The following BEND6 variants were observed in gnomAD, a reference collection of about 807,000 sequenced individuals.
BEND6 encodes BEN domain-containing protein 6.
BEND6 carries 24 observed loss-of-function variants against 31.8 expected under a neutral mutation model. The observed-to-expected ratio is 0.75, with a 90% CI of 0.55 to 1.06. BEND6 has a LOEUF of 1.06. BEND6 is among the 50% of genes least tolerant of loss of function. The pLI is 0.00. For synonymous variants in BEND6, 109 were observed against 114.6 expected, an observed-to-expected ratio of 0.95 and a Z score of 0.31; for missense variants, 294 against 327.4, an observed-to-expected ratio of 0.90 and a Z score of 0.79.
intron 3 of BEND6, among the ~76,000 whole-genome samples, chr6:57,006,438 C>T (rs1480546390): frequency 3.9e-5 from 6 of 152,324 alleles, no homozygotes; most frequent in South Asian, 2.1e-4. Context: ...ACCCTGCAAA[C>T]TATGTAGTCA....
intron 1 of BEND6, among the ~76,000 whole-genome samples, chr6:56,962,219 A>G (rs1253359166): frequency 1.3e-5 from 2 of 152,178 alleles, no homozygotes; most frequent in Admixed American, 1.3e-4. Context: ...CAAGCCAGTA[A>G]ATTTCTGTTC....
At chr6:56,989,318 G>A (rs917668672) in intron 2 of BEND6, among the ~76,000 whole-genome samples, 1 of 151,970 alleles carries the variant, frequency 6.6e-6, no homozygotes, top group Admixed American at 6.6e-5. Context: ...CACTATCAAT[G>A]CTGTATAATA....
At chr6:56,976,121 T>C (rs565687764) in intron 1 of BEND6, 2 of 247,202 alleles carry the variant, frequency 8.1e-6, no homozygotes, top group South Asian at 1.2e-4. Flanking sequence ...CTGGAAACAA[T>C]TATTTAATTT....
chr6:57,024,386 T>C (rs1001133316), intron 6 of BEND6, among the ~76,000 whole-genome samples: 16 of 152,246 alleles, frequency 1.1e-4, no homozygotes, highest in Admixed American at 9.2e-4. Context: ...AGATTTCTTA[T>C]GAGACTGTTG....
chr6:57,022,647 T>TTAA (rs889229679), intron 6 of BEND6, among the ~76,000 whole-genome samples: 6 of 152,122 alleles, frequency 3.9e-5, no homozygotes, highest in African/African-American at 1.4e-4. Flanking sequence ...GGCTCTGATC[T>TTAA]TTATTATCTC....
At chr6:57,004,483 C>T (rs978481108) in intron 3 of BEND6, 14 of 659,964 alleles carry the variant, frequency 2.1e-5, no homozygotes, top group African/African-American at 8.9e-5. Flanking sequence ...GCCCTGGGAC[C>T]GTCCCAAGGC....
intron 4 of BEND6, among the ~76,000 whole-genome samples, chr6:57,016,088 G>T (rs1221379102): frequency 6.6e-6 from 1 of 152,066 alleles, no homozygotes; most frequent in Non-Finnish European, 1.5e-5. Context: ...TGCATTCAGG[G>T]TTATACAATT....
At chr6:57,001,866 A>T (rs1826958429) in intron 3 of BEND6, among the ~76,000 whole-genome samples, 2 of 152,224 alleles carry the variant, frequency 1.3e-5, no homozygotes, top group Non-Finnish European at 2.9e-5. Flanking sequence ...ACAACTTTAC[A>T]ATAGGATCAA....
At chr6:57,000,309 CAT>C (rs1228178544) in intron 3 of BEND6, among the ~76,000 whole-genome samples, 1 of 152,182 alleles carries the variant, frequency 6.6e-6, no homozygotes, top group Admixed American at 6.5e-5. Flanking sequence ...CTCTCTGAAA[CAT>C]GTGCTGTGTT....
chr6:56,990,441 T>C (rs894570807), intron 2 of BEND6, among the ~76,000 whole-genome samples: 23 of 152,086 alleles, frequency 1.5e-4, no homozygotes, highest in Non-Finnish European at 2.8e-4. Flanking sequence ...GAAACAAGGT[T>C]TTGCCACATT....
intron 1 of BEND6, among the ~76,000 whole-genome samples, chr6:56,963,268 T>A (rs1675964268): frequency 6.6e-6 from 1 of 152,162 alleles, no homozygotes; most frequent in Admixed American, 6.6e-5. Flanking sequence ...CTACCCAGAT[T>A]AATGAAGGCC....
intron 1 of BEND6, among the ~76,000 whole-genome samples, chr6:56,975,302 G>T (rs891961103): frequency 6.6e-6 from 1 of 151,778 alleles, no homozygotes; most frequent in Non-Finnish European, 1.5e-5. Context: ...CAATATTATA[G>T]TTGTAGATAT....
At chr6:57,017,536 G>T (rs1827606258) in intron 5 of BEND6, 137 bp downstream of exon 5, 5 of 686,132 alleles carry the variant, frequency 7.3e-6, no homozygotes, top group Non-Finnish European at 8.2e-6. Flanking sequence ...ATAGTCTAAA[G>T]CTCTCATTAA....
At chr6:56,988,659 C>T (rs1826377571) in intron 2 of BEND6, among the ~76,000 whole-genome samples, 1 of 152,162 alleles carries the variant, frequency 6.6e-6, no homozygotes, top group African/African-American at 2.4e-5. Flanking sequence ...CCTATAGACT[C>T]CTCACCTACC....
intron 6 of BEND6, among the ~76,000 whole-genome samples, chr6:57,021,419 G>A (rs958754567): frequency 5.3e-5 from 8 of 152,162 alleles, no homozygotes; most frequent in African/African-American, 1.4e-4. Context: ...GTGGTAGACC[G>A]TGCCCTCCAC....
At chr6:57,010,140 A>G (rs976876502) in intron 3 of BEND6, 5 of 152,232 alleles carry the variant, frequency 3.3e-5, no homozygotes, top group African/African-American at 1.2e-4. Context: ...GAATCCGATC[A>G]ACCCTTCAGA....
chr6:56,963,416 A>G lies in BEND6; in HGVS notation c.-101+7956A>G, dbSNP rs193211660. On this transcript the variant is annotated intron_variant, in intron 1 of 6. Coordinates refer to ENST00000370746, the MANE Select transcript of BEND6 (RefSeq NM_152731.3). ...ACAAGACTCTTTGTATTAAAAAATT[A>G]TAGTTTCACCCTTACCATTTCATTG... is the stretch of plus-strand genomic sequence containing the variant. Among the ~76,000 whole-genome samples, 441 of 152,322 alleles carry G rather than the reference A, an allele frequency of 2.9e-3. 4 individuals carry two copies. Among genetic ancestry groups the G allele is most frequent in the South Asian group, 0.016 (75 of 4,826 alleles).
intron 1 of BEND6, among the ~76,000 whole-genome samples, chr6:56,970,598 A>G (rs1825658697): frequency 6.6e-6 from 1 of 152,226 alleles, no homozygotes; most frequent in Admixed American, 6.5e-5. Context: ...TTGGGGGCAG[A>G]TAGCCACATA....
chr6:56,965,620 C>T (rs1825445814), intron 1 of BEND6, among the ~76,000 whole-genome samples: 1 of 150,282 alleles, frequency 6.7e-6, no homozygotes, highest in African/African-American at 2.4e-5. Context: ...CTTGATAGCG[C>T]CGCTGCACTC....
Sources: gnomAD v4.1 joint callset for allele counts (sites outside exome capture counted in the v4.1 genomes callset) on GRCh38, gnomAD v4.1.1 for gene constraint, MANE v1.5 for transcripts, NCBI Gene and HGNC (gene_info 2026-07-23, HGNC 2026-07-21) for gene names.